The following NRXN1 variants were observed in gnomAD, a reference collection of about 807,000 sequenced individuals.
NRXN1 encodes neurexin 1, also known as neurexin-1.
In NRXN1, 39 loss-of-function variants were observed where a neutral mutation model predicts 150.9. The ratio of observed to expected loss-of-function variants is 0.26; its 90% CI spans 0.20 to 0.34. The LOEUF (loss-of-function observed/expected upper bound fraction) is 0.34. NRXN1 is among the 10% of genes least tolerant of loss of function. The pLI, the probability that NRXN1 is intolerant of heterozygous loss-of-function variation, is 1.00. For missense variants in NRXN1, 1,815 were observed against 1,949.9 expected, an observed-to-expected ratio of 0.93 and a Z score of 1.30; for synonymous variants, 924 against 757.0, an observed-to-expected ratio of 1.22 and a Z score of -3.62.
intron 8 of NRXN1, among the ~76,000 whole-genome samples, chr2:50,577,186 G>C (rs1246150766): frequency 6.6e-6 from 1 of 152,072 alleles, no homozygotes; most frequent in African/African-American, 2.4e-5. Context: ...TAAGCTGAGA[G>C]ACAACTCTGA....
intron 21 of NRXN1, among the ~76,000 whole-genome samples, chr2:50,047,275 A>G (rs77683409): frequency 0.014 from 2,146 of 152,120 alleles, 53 homozygotes; most frequent in African/African-American, 0.049. Context: ...TTGAGGAGGA[A>G]TAATAATATC....
chr2:50,077,015 T>C (rs1432973687), intron 19 of NRXN1, among the ~76,000 whole-genome samples: 1 of 152,124 alleles, frequency 6.6e-6, no homozygotes, highest in Non-Finnish European at 1.5e-5. Context: ...AGCACTGGAG[T>C]AGGCTTTAGA....
At position 50,032,933 on chromosome 2, in the gene NRXN1, A is replaced by G. The variant is rs570999436; in HGVS notation, c.4128+20338T>C. Among the ~76,000 whole-genome samples, 7 of 150,792 alleles carry G rather than the reference A, an allele frequency of 4.6e-5. No homozygotes were observed. In the South Asian group the frequency reaches 8.4e-4, roughly 18 times the overall value. ...CTGCAGTGTTTTCTTTTATACACAC[A>G]CATAATACACACATACACACACACA... On this transcript the variant is annotated intron_variant, in intron 21 of 22. Transcript: ENST00000401669.
chr2:50,179,832 C>G (rs909094477), intron 18 of NRXN1, among the ~76,000 whole-genome samples: 12 of 152,194 alleles, frequency 7.9e-5, no homozygotes, highest in African/African-American at 2.9e-4. Context: ...TAACCTAGAG[C>G]TAGACGTCCA....
intron 5 of NRXN1, among the ~76,000 whole-genome samples, chr2:50,903,784 G>C (rs189535360): frequency 6.6e-6 from 1 of 152,110 alleles, no homozygotes. Context: ...ATGGCTCAAA[G>C]GTACTTTCAG....
At chr2:50,275,474 G>A (rs926747356) in intron 17 of NRXN1, among the ~76,000 whole-genome samples, 1 of 151,334 alleles carries the variant, frequency 6.6e-6, no homozygotes, top group Non-Finnish European at 1.5e-5. Flanking sequence ...TAGAACTCTT[G>A]TTTTTAAATA....
chr2:50,249,395 A>G (rs2066826815), intron 17 of NRXN1, among the ~76,000 whole-genome samples: 1 of 152,076 alleles, frequency 6.6e-6, no homozygotes, highest in African/African-American at 2.4e-5. Context: ...CAAACAAACA[A>G]ATCAACAAAA....
At chr2:50,802,550 G>T (rs973391455) in intron 5 of NRXN1, among the ~76,000 whole-genome samples, 1 of 148,248 alleles carries the variant, frequency 6.7e-6, no homozygotes, top group African/African-American at 2.5e-5. Context: ...AGGAAGGAAG[G>T]AAGGAAGGAA....
intron 5 of NRXN1, among the ~76,000 whole-genome samples, chr2:50,772,200 G>T (rs1030190205): frequency 4.0e-5 from 6 of 151,690 alleles, no homozygotes; most frequent in Admixed American, 6.6e-5. Flanking sequence ...ATGCCTGGGC[G>T]CAACCCAACC....
In NRXN1 at chr2:50,302,416, C is replaced by A. The variant is rs556174040; in HGVS notation, c.3365-65446G>T. Among the ~76,000 whole-genome samples, 540 of 152,226 alleles carry A rather than the reference C, an allele frequency of 3.5e-3. 2 individuals are homozygous for A. The highest frequency in any genetic ancestry group is 6.3e-3 in the Admixed American group (97 of 15,292). On this transcript the variant is annotated intron_variant, in intron 17 of 22. Coordinates refer to ENST00000401669, the MANE Select transcript of NRXN1 (RefSeq NM_001330078.2). ...CATAATGGGAGCAAATGACTAATTGCAGATTCAAGATACATTTTGTCAATC... is the reference window on the plus strand; with the variant it reads ...CATAATGGGAGCAAATGACTAATTGAAGATTCAAGATACATTTTGTCAATC...
chr2:50,082,343 ACC>A (rs1698092155), intron 19 of NRXN1, among the ~76,000 whole-genome samples: 1 of 152,198 alleles, frequency 6.6e-6, no homozygotes, highest in African/African-American at 2.4e-5. Context: ...GACCAGTATA[ACC>A]CTTCATTATG....
At chr2:50,216,660 G>T (rs1366457893) in intron 18 of NRXN1, among the ~76,000 whole-genome samples, 1 of 151,918 alleles carries the variant, frequency 6.6e-6, no homozygotes, top group Non-Finnish European at 1.5e-5. Flanking sequence ...AAATCAGAGT[G>T]CTTTATTGAG....
intron 21 of NRXN1, among the ~76,000 whole-genome samples, chr2:50,015,067 G>C (rs956186003): frequency 2.0e-5 from 3 of 152,060 alleles, no homozygotes; most frequent in African/African-American, 4.8e-5. Context: ...TATCACAGCA[G>C]TTTTATGATT....
At chr2:50,658,818 G>T (rs1428810599) in intron 5 of NRXN1, among the ~76,000 whole-genome samples, 1 of 152,008 alleles carries the variant, frequency 6.6e-6, no homozygotes, top group African/African-American at 2.4e-5. Flanking sequence ...GCCCAAGTTT[G>T]AAGAACTTTC....
intron 18 of NRXN1, among the ~76,000 whole-genome samples, chr2:50,127,595 T>C (rs951306818): frequency 3.3e-5 from 5 of 152,162 alleles, no homozygotes; most frequent in African/African-American, 7.2e-5. Flanking sequence ...TTAATGTGCC[T>C]TCTTTACTAG....
At chr2:50,625,324 T>C (rs1189064315) in intron 5 of NRXN1, among the ~76,000 whole-genome samples, 3 of 152,044 alleles carry the variant, frequency 2.0e-5, no homozygotes, top group African/African-American at 7.2e-5. Context: ...CACCTACAGG[T>C]ATTCACCAGG....
At chr2:50,977,328 G>C (rs962826390) in intron 2 of NRXN1, among the ~76,000 whole-genome samples, 1 of 151,618 alleles carries the variant, frequency 6.6e-6, no homozygotes, top group Non-Finnish European at 1.5e-5. Context: ...TTCATATGTA[G>C]TCACATTTTA....
In NRXN1 at chr2:50,472,452, T is replaced by G. The variant is rs201886024; in HGVS notation, c.3090A>C (p.Gly1030=). The change falls in exon 16 of 23, where the codon GGA becomes GGC. Residue 1030 remains glycine (G), a synonymous_variant. Transcript: ENST00000401669. ...LDLKSDLYIG[G]VAKETYKSLP... ...AGGATTTGTATGTTTCTTTAGCTAC[T>G]CCTCCTATATATAAGTCACCTGCAA... 247 of 1,611,922 alleles carry G rather than the reference T, an allele frequency of 1.5e-4. No individual in the cohort carries two copies. The highest frequency in any genetic ancestry group is 6.4e-4 in the Admixed American group (38 of 59,810).
intron 21 of NRXN1, among the ~76,000 whole-genome samples, chr2:49,985,961 G>C (rs914490130): frequency 6.6e-6 from 1 of 152,180 alleles, no homozygotes; most frequent in African/African-American, 2.4e-5. Flanking sequence ...CCAAGGAAAT[G>C]TACTTCATTT....
Sources: allele counts gnomAD v4.1 joint callset (sites outside exome capture counted in the v4.1 genomes callset), GRCh38; gene constraint gnomAD v4.1.1; transcripts MANE v1.5; gene names NCBI Gene and HGNC (gene_info 2026-07-23, HGNC 2026-07-21).